Variants in RYR3 observed in about 807,000 individuals in gnomAD.
RYR3 encodes the protein brain ryanodine receptor-calcium release channel.
Under a neutral mutation model 584.3 loss-of-function variants are expected in RYR3, and 207 were observed. The ratio of observed to expected loss-of-function variants is 0.35; its 90% CI spans 0.32 to 0.40. The LOEUF is 0.40. Among genes scored for constraint, RYR3 ranks in the 10% least tolerant of loss-of-function variants. The pLI is 1.00. For missense variants in RYR3, 5,616 were observed against 6,089.2 expected (o/e 0.92, Z 2.59); for synonymous variants, 2,416 against 2,248.5 (o/e 1.07, Z -2.11).
At chr15:33,373,062 C>T (rs975396614) in intron 1 of RYR3, among the ~76,000 whole-genome samples, 6 of 152,182 alleles carry the variant, frequency 3.9e-5, no homozygotes, top group Non-Finnish European at 7.3e-5. Flanking sequence ...GCCCATTTCT[C>T]CTATCAGTGA....
intron 1 of RYR3, among the ~76,000 whole-genome samples, chr15:33,435,384 T>C (rs2045590101): frequency 6.6e-6 from 1 of 152,250 alleles, no homozygotes; most frequent in Non-Finnish European, 1.5e-5. Context: ...AATTTTCAGC[T>C]ACTCTGTGGC....
chr15:33,757,531 A>G lies in RYR3; in HGVS notation c.8640A>G (p.Ser2880=), dbSNP rs757912975. Residue 2880 remains serine (S), a synonymous_variant, in exon 60 of 104, where the codon TCA becomes TCG. Transcript: ENST00000634891. ...YFTSHCLYFL[S]SPLKPLSSSG... ...CCAGTCATTGCCTCTACTTCTTGTC[A>G]TCCCCTCTGAAGCCCCTTAGCAGCA... 3 of 1,611,264 alleles carry G rather than the reference A, an allele frequency of 1.9e-6. No homozygotes were observed. The highest frequency in any genetic ancestry group is 2.5e-6 in the Non-Finnish European group (3 of 1,179,020).
intron 67 of RYR3, among the ~76,000 whole-genome samples, chr15:33,791,307 T>C (rs984199997): frequency 2.8e-4 from 42 of 151,924 alleles, no homozygotes; most frequent in African/African-American, 4.8e-4. Context: ...AGGCGAAAGG[T>C]CAGCCTCAGG....
At chr15:33,543,401 T>C (rs2055987687) in intron 7 of RYR3, among the ~76,000 whole-genome samples, 1 of 152,178 alleles carries the variant, frequency 6.6e-6, no homozygotes, top group African/African-American at 2.4e-5. Context: ...TTGGACTTGC[T>C]CACCTCTGAA....
chr15:33,785,739 G>A lies in RYR3; in HGVS notation c.9346G>A (p.Asp3116Asn), dbSNP rs762199883. 3.2e-5 allele frequency: 51 copies of A among 1,613,728 alleles called. No individual in the cohort carries two copies. The highest frequency in any genetic ancestry group is 3.6e-5 in the Non-Finnish European group (42 of 1,179,826). The change falls in exon 66 of 104, where the codon GAC becomes AAC. Residue 3116 changes from aspartate to asparagine, a missense_variant. Physicochemically the swap from Asp to Asn is conservative, Grantham distance 23 (BLOSUM62 1). Transcript: ENST00000634891. ...QLEGLMKEIN[D>N]LAESGARYTE... ...GGAAGGCCTGATGAAGGAAATCAAC[G>A]ACCTGGCCGAGTCAGGGGCCCGGTA...
chr15:33,652,151 A>C (rs1275885174), intron 31 of RYR3, among the ~76,000 whole-genome samples: 1 of 152,212 alleles, frequency 6.6e-6, no homozygotes, highest in African/African-American at 2.4e-5. Flanking sequence ...ACTCCAAGGC[A>C]TGGGGAAGGA....
chr15:33,586,041 A>C lies in RYR3; in HGVS notation c.1713A>C (p.Glu571Asp). 6.2e-7 allele frequency: 1 copy of C among 1,613,684 alleles called. No individual in the cohort carries two copies. The highest frequency in any genetic ancestry group is 8.5e-7 in the Non-Finnish European group (1 of 1,179,620). Residue 571 changes from glutamate to aspartate, a missense_variant, in exon 16 of 104, where the codon GAA (glutamate) becomes GAC (aspartate). Glu to Asp is a conservative substitution (Grantham distance 45, BLOSUM62 2). Coordinates refer to ENST00000634891, the MANE Select transcript of RYR3 (RefSeq NM_001036.6). Reference sequence around the variant, plus strand: ...ACTGCATCTTAACTGAAAGCCCAGAAGCCTTAAATCTGATAGCGGAGGGCC... The same window carrying C: ...ACTGCATCTTAACTGAAAGCCCAGACGCCTTAAATCTGATAGCGGAGGGCC... The part of the protein sequence containing the change: ...VLHCILTESP[E>D]ALNLIAEGHI...
In RYR3 at chr15:33,810,744, G is replaced by A. The variant is rs114513817; in HGVS notation, c.10197+95G>A. ...AGGGTTAGTCCTCCTCCCCTGGGGGGCGGGGAGCAGATGCGCAGAAACCAG... is the reference window on the plus strand; with the variant it reads ...AGGGTTAGTCCTCCTCCCCTGGGGGACGGGGAGCAGATGCGCAGAAACCAG... On this transcript the variant is annotated intron_variant, in intron 71 of 103. Coordinates refer to ENST00000634891, the MANE Select transcript of RYR3 (RefSeq NM_001036.6). The A allele has an allele frequency of 4.1e-3, 6,105 of 1,489,408 alleles. 193 individuals carry two copies. In the African/African-American group the frequency reaches 0.075, roughly 18 times the overall value. 92.3% of individuals were successfully genotyped at this position (1,489,408 alleles called of 1,614,324 possible).
intron 1 of RYR3, among the ~76,000 whole-genome samples, chr15:33,463,482 T>C (rs1417127045): frequency 6.6e-6 from 1 of 152,090 alleles, no homozygotes; most frequent in Non-Finnish European, 1.5e-5. Context: ...ATTCTCTGGG[T>C]AGCAACTAGA....
chr15:33,861,311 TTTGTCCA>T, intron 102 of RYR3, 133 bp downstream of exon 102: 1 of 595,616 alleles, frequency 1.7e-6, no homozygotes, highest in South Asian at 1.8e-5. Context: ...AGCCTGTACC[TTTGTCCA>T]TAGACTCTGT....
intron 1 of RYR3, among the ~76,000 whole-genome samples, chr15:33,455,907 A>G: frequency 6.6e-6 from 1 of 152,240 alleles, no homozygotes; most frequent in South Asian, 2.1e-4. Flanking sequence ...GTACACAAGC[A>G]TCAAGACTCT....
At chr15:33,718,404 A>G (rs2067657250) in intron 43 of RYR3, among the ~76,000 whole-genome samples, 1 of 152,138 alleles carries the variant, frequency 6.6e-6, no homozygotes, top group Admixed American at 6.5e-5. Flanking sequence ...TGTTAGCAAG[A>G]CCCTTGAGCA....
chr15:33,469,762 C>G lies in RYR3; in HGVS notation c.52-3657C>G, dbSNP rs138274026. Among the ~76,000 whole-genome samples, 739 of 152,150 alleles carry G rather than the reference C, an allele frequency of 4.9e-3. 2 individuals carry two copies. The highest frequency in any genetic ancestry group is 7.3e-3 in the Non-Finnish European group (494 of 68,010). ...AGGTACAGACTGAGTAACAGCTCCT[C>G]AGAAGTAAAGCAGGAAGCCTGAAGA... is the stretch of plus-strand genomic sequence containing the variant. On this transcript the variant is annotated intron_variant, in intron 1 of 103. Transcript: ENST00000634891.
At chr15:33,703,595 G>A (rs2066462598) in intron 42 of RYR3, among the ~76,000 whole-genome samples, 1 of 152,074 alleles carries the variant, frequency 6.6e-6, no homozygotes, top group Non-Finnish European at 1.5e-5. Context: ...CCTCTTTACA[G>A]CCCCTATATC....
At chr15:33,414,671 C>A (rs1447068861) in intron 1 of RYR3, among the ~76,000 whole-genome samples, 1 of 152,140 alleles carries the variant, frequency 6.6e-6, no homozygotes, top group East Asian at 1.9e-4. Context: ...GTGGCGTGAT[C>A]TCAGCTCACT....
At chr15:33,735,859 C>T (rs1015031373) in intron 48 of RYR3, among the ~76,000 whole-genome samples, 2 of 152,154 alleles carry the variant, frequency 1.3e-5, no homozygotes, top group African/African-American at 2.4e-5. Flanking sequence ...TGCAGCTGCT[C>T]AACGCCAGTT....
At chr15:33,824,230 A>G (rs537994124) in intron 81 of RYR3, among the ~76,000 whole-genome samples, 2 of 152,318 alleles carry the variant, frequency 1.3e-5, no homozygotes, top group East Asian at 1.9e-4. Context: ...TGCTAAACTC[A>G]TTTATAATGA....
chr15:33,734,354 G>C (rs550125030), intron 48 of RYR3, among the ~76,000 whole-genome samples: 1 of 152,148 alleles, frequency 6.6e-6, no homozygotes, highest in African/African-American at 2.4e-5. Context: ...GCACTTTGCC[G>C]CTTCAAAAGG....
At chr15:33,673,855 A>G (rs946688323) in intron 38 of RYR3, among the ~76,000 whole-genome samples, 2 of 152,190 alleles carry the variant, frequency 1.3e-5, no homozygotes, top group Non-Finnish European at 2.9e-5. Flanking sequence ...ACCCATTGCA[A>G]TTCAGCTTTG....
Sources: gnomAD v4.1 joint callset for allele counts (sites outside exome capture counted in the v4.1 genomes callset) on GRCh38, gnomAD v4.1.1 for gene constraint, MANE v1.5 for transcripts, NCBI Gene and HGNC (gene_info 2026-07-23, HGNC 2026-07-21) for gene names.